The following SPAG1 variants were observed in gnomAD, a reference collection of about 807,000 sequenced individuals.
The protein encoded by SPAG1 is sperm associated antigen 1, also known as sperm-associated antigen 1.
A neutral mutation model predicts 100.5 loss-of-function variants in SPAG1; 69 were observed. The ratio of observed to expected loss-of-function variants is 0.69; its 90% CI spans 0.57 to 0.84. The LOEUF is 0.84. SPAG1 is among the 40% of genes least tolerant of loss of function. SPAG1 has a pLI of 0.00. For synonymous variants in SPAG1, 336 were observed against 411.6 expected, an observed-to-expected ratio of 0.82 and a Z score of 2.22; for missense variants, 955 against 1,133.1, an observed-to-expected ratio of 0.84 and a Z score of 2.26.
intron 13 of SPAG1, among the ~76,000 whole-genome samples, chr8:100,222,621 G>C (rs1329387328): frequency 3.9e-5 from 6 of 152,192 alleles, no homozygotes; most frequent in Non-Finnish European, 8.8e-5. Flanking sequence ...GGAGACACCG[G>C]AAGTATCTGG....
chr8:100,178,143 G>T (rs1417096818), intron 4 of SPAG1, among the ~76,000 whole-genome samples: 2 of 152,134 alleles, frequency 1.3e-5, no homozygotes, highest in East Asian at 3.8e-4. Flanking sequence ...AAATGAAACA[G>T]TTTTTTCCTT....
chr8:100,239,476 G>A lies in SPAG1; in HGVS notation c.2280+72G>A. 1 of 966,984 alleles carries A rather than the reference G, an allele frequency of 1.0e-6. No homozygotes were observed. Among genetic ancestry groups the A allele is most frequent in the South Asian group, 1.4e-5 (1 of 69,616 alleles). 59.9% of individuals were successfully genotyped at this position (966,984 alleles called of 1,614,324 possible). A position where few individuals can be genotyped will look rare whatever the true frequency, so the allele number is the denominator to read the frequency against. ...GACTGGATTCTAAGGTCATATTCCT[G>A]TGAGTTCTAAAACATTTTTAATTTT... On this transcript the variant is annotated intron_variant, in intron 17 of 18. Transcript: ENST00000388798. The surrounding 1 kb of genome is among the most constrained non-coding windows in gnomAD (Gnocchi z 5.0).
At chr8:100,189,807 A>T (rs1377582925) in intron 8 of SPAG1, among the ~76,000 whole-genome samples, 1 of 152,210 alleles carries the variant, frequency 6.6e-6, no homozygotes, top group Non-Finnish European at 1.5e-5. Context: ...TATGTCATGA[A>T]TATTTCTTCA....
chr8:100,231,313 T>C, intron 15 of SPAG1, 25 bp downstream of exon 15: 1 of 1,394,048 alleles, frequency 7.2e-7, no homozygotes, highest in Non-Finnish European at 9.8e-7. Flanking sequence ...ACTTTATATA[T>C]TTCTTATGTT....
intron 2 of SPAG1, among the ~76,000 whole-genome samples, chr8:100,162,807 A>C (rs574955146): frequency 6.6e-6 from 1 of 152,144 alleles, no homozygotes; most frequent in East Asian, 1.9e-4. Flanking sequence ...GTGAAATCCT[A>C]TCTCTACAAA....
chr8:100,164,578 C>T (rs756367322), intron 2 of SPAG1, among the ~76,000 whole-genome samples: 4 of 152,106 alleles, frequency 2.6e-5, no homozygotes, highest in Non-Finnish European at 5.9e-5. Flanking sequence ...GTGCCTGCCA[C>T]CACGCCCGGC....
intron 1 of SPAG1, among the ~76,000 whole-genome samples, chr8:100,159,554 C>T (rs950727228): frequency 6.6e-6 from 1 of 152,140 alleles, no homozygotes; most frequent in Admixed American, 6.5e-5. Flanking sequence ...AATCATTGCC[C>T]AAGTACAGTG....
chr8:100,218,770 A>G (rs1322716541), intron 12 of SPAG1, among the ~76,000 whole-genome samples: 1 of 152,200 alleles, frequency 6.6e-6, no homozygotes, highest in Non-Finnish European at 1.5e-5. Context: ...TTCTAGAGTA[A>G]CTTCTATGAT....
At position 100,239,348 on chromosome 8, in the gene SPAG1, G is replaced by A. The variant is rs754229235; in HGVS notation, c.2224G>A (p.Asp742Asn). The change falls in exon 17 of 19, where the codon GAT becomes AAT. Residue 742 changes from aspartate to asparagine, a missense_variant. By Grantham distance (23) the Asp-to-Asn change is conservative (BLOSUM62 1). Coordinates refer to ENST00000388798, the MANE Select transcript of SPAG1 (RefSeq NM_003114.5). This position sits in a 1 kb window ranked among gnomAD's most constrained non-coding sequence, Gnocchi z 5.0. The part of the protein sequence containing the change: ...EEVTRLLNLK[D>N]KTAPFNKEKE... The stretch of plus-strand genomic sequence containing the variant: ...GGTAACTAGACTCCTTAATCTTAAG[G>A]ATAAGACAGCACCATTCAACAAAGA... 36 of 1,602,056 alleles carry A rather than the reference G, an allele frequency of 2.2e-5. No homozygotes were observed. The East Asian group carries it at 7.6e-4, about 34-fold the overall frequency.
At chr8:100,162,862 G>A (rs1359739281) in intron 2 of SPAG1, among the ~76,000 whole-genome samples, 1 of 152,158 alleles carries the variant, frequency 6.6e-6, no homozygotes, top group East Asian at 1.9e-4. Context: ...TACTCAGAAG[G>A]CTGAGGTGGG....
At chr8:100,172,653 T>TGTGTGTGTGG (rs1815920638) in intron 3 of SPAG1, among the ~76,000 whole-genome samples, 1 of 151,510 alleles carries the variant, frequency 6.6e-6, no homozygotes, top group African/African-American at 2.4e-5. Context: ...TGTGTGTGTG[T>TGTGTGTGTGG]GTGTGTGTGT....
rs1332291079 is a variant in SPAG1 at position 100,183,505 on chromosome 8, A to C, written c.488+69A>C. Reference sequence around the variant, plus strand: ...TTATCTACCACAAAATACTGCAATAATTTCTTAAATAATTATTATAAACCT... The same window carrying C: ...TTATCTACCACAAAATACTGCAATACTTTCTTAAATAATTATTATAAACCT... On this transcript the variant is annotated intron_variant, in intron 5 of 18. Coordinates refer to ENST00000388798, the MANE Select transcript of SPAG1 (RefSeq NM_003114.5). 3 of 710,582 alleles carry C rather than the reference A, an allele frequency of 4.2e-6. No homozygotes were observed. In the East Asian group the frequency reaches 8.2e-5, roughly 19 times the overall value. The allele number at this position is 710,582 out of a possible 1,614,324, so 44.0% of individuals were successfully genotyped here.
intron 4 of SPAG1, among the ~76,000 whole-genome samples, chr8:100,180,311 C>A (rs1170181491): frequency 1.3e-5 from 2 of 152,176 alleles, no homozygotes. Context: ...ATACTCCAGT[C>A]TGGGCAACAG....
intron 13 of SPAG1, among the ~76,000 whole-genome samples, chr8:100,222,925 A>G (rs1433513627): frequency 6.6e-6 from 1 of 151,792 alleles, no homozygotes; most frequent in Admixed American, 6.6e-5. Context: ...GCCACTCCCC[A>G]TTTTCCTTTC....
chr8:100,167,291 T>C (rs2132204158), intron 3 of SPAG1, among the ~76,000 whole-genome samples: 1 of 152,352 alleles, frequency 6.6e-6, no homozygotes, highest in South Asian at 2.1e-4. Context: ...GGGGCATACT[T>C]TCCAAGACCC....
At position 100,240,520 on chromosome 8, in the gene SPAG1, A is replaced by G. The variant is rs755874063; in HGVS notation, c.2398A>G (p.Ile800Val). 6.2e-7 allele frequency: 1 copy of G among 1,614,204 alleles called. No homozygotes were observed. Among genetic ancestry groups the G allele is most frequent in the Non-Finnish European group, 8.5e-7 (1 of 1,180,026 alleles). ...ACCAGAAGACCCTGAGAAACTTCCGATAGCCAAGCCTAATAATGCCTATGA... is the reference window on the plus strand; with the variant it reads ...ACCAGAAGACCCTGAGAAACTTCCGGTAGCCAAGCCTAATAATGCCTATGA... The part of the protein sequence containing the change: ...RSPEDPEKLP[I>V]AKPNNAYEFG... Residue 800 changes from isoleucine (I) to valine (V), a missense_variant, in exon 18 of 19, where the codon ATA becomes GTA. Physicochemically the swap from Ile to Val is conservative, Grantham distance 29 (BLOSUM62 3). Transcript: ENST00000388798.
At chr8:100,231,364 A>C in intron 15 of SPAG1, 76 bp downstream of exon 15, 25 of 1,078,806 alleles carry the variant, frequency 2.3e-5, no homozygotes, top group Non-Finnish European at 3.2e-5. Flanking sequence ...TTATTTTATT[A>C]ACACAATTAA....
At chr8:100,176,625 G>GGA (rs1816131103) in intron 3 of SPAG1, among the ~76,000 whole-genome samples, 1 of 152,084 alleles carries the variant, frequency 6.6e-6, no homozygotes, top group Non-Finnish European at 1.5e-5. Context: ...TCGGCCTCCC[G>GGA]AAGTGCTGGG....
chr8:100,212,438 G>C (rs759713507), intron 10 of SPAG1, among the ~76,000 whole-genome samples: 1 of 152,216 alleles, frequency 6.6e-6, no homozygotes, highest in East Asian at 1.9e-4. Flanking sequence ...TTTAAAAATA[G>C]ATTCAACAAT....
Sources: allele counts gnomAD v4.1 joint callset (sites outside exome capture counted in the v4.1 genomes callset), GRCh38; gene constraint gnomAD v4.1.1; non-coding constraint Gnocchi (gnomAD v3.1); transcripts MANE v1.5; gene names NCBI Gene and HGNC (gene_info 2026-07-23, HGNC 2026-07-21).